Variants in RNFT1 observed in about 807,000 individuals in gnomAD.
The protein encoded by RNFT1 is ring finger protein, transmembrane 1.
Under a neutral mutation model 53.2 loss-of-function variants are expected in RNFT1, and 35 were observed. That is an observed-to-expected ratio of 0.66 (90% CI 0.50 to 0.87). The LOEUF (loss-of-function observed/expected upper bound fraction) is 0.87. Ranked by LOEUF, RNFT1 falls within the 40% of genes least tolerant of loss-of-function variation. The pLI, the probability that RNFT1 is intolerant of heterozygous loss-of-function variation, is 0.00. For synonymous variants in RNFT1, 141 were observed against 172.8 expected (o/e 0.82, Z 1.44); for missense variants, 421 against 515.0 (o/e 0.82, Z 1.77).
In RNFT1 at chr17:59,954,158, G is replaced by A. The variant is rs368817922; in HGVS notation, c.1072-12C>T. On this transcript the variant is annotated splice_polypyrimidine_tract_variant and intron_variant, in intron 7 of 8. Coordinates refer to ENST00000305783, the MANE Select transcript of RNFT1 (RefSeq NM_016125.4). ...GCCACTCCATAACTCTATGAAGATA[G>A]TAAGTTCTGTTCATCTACAAATTTC... 25 of 1,528,392 alleles carry A rather than the reference G, an allele frequency of 1.6e-5. No individual in the cohort carries two copies. Among genetic ancestry groups the A allele is most frequent in the Non-Finnish European group, 2.2e-5 (24 of 1,116,056 alleles). 94.7% of individuals were successfully genotyped at this position (1,528,392 alleles called of 1,614,324 possible).
At position 59,957,315 on chromosome 17, in the gene RNFT1, C is replaced by T; in HGVS notation, c.914G>A (p.Trp305Ter). 1 of 1,613,830 alleles carries T rather than the reference C, an allele frequency of 6.2e-7. No homozygotes were observed. Among genetic ancestry groups the T allele is most frequent in the Non-Finnish European group, 8.5e-7 (1 of 1,179,936 alleles). Residue 305 changes from tryptophan (W) to a stop codon, truncating the protein, a stop_gained, in exon 6 of 9, where the codon TGG becomes TAG. Coordinates refer to ENST00000305783, the MANE Select transcript of RNFT1 (RefSeq NM_016125.4). LOFTEE classifies it high-confidence loss of function. ...YYRTFVPIPV[W>*]FRYLISYGEF... ...CCCATAGCTTATAAGGTAGCGAAAC[C>T]AAACTGGTATGGGAACAAAAGTTCG...
chr17:59,953,083 A>G lies in RNFT1; in HGVS notation c.1202T>C (p.Leu401Ser), dbSNP rs751621827. ...QHIFCEECMT[L>S]WFNREKTCPL... ...ACATGTTTTCTCTCTGTTAAACCAT[A>G]AGGTCATGCACTCTTCACAAAATAT... Residue 401 changes from leucine to serine, a missense_variant, in exon 9 of 9, where the codon TTA becomes TCA. By Grantham distance (145) the Leu-to-Ser change is moderately radical. Transcript: ENST00000305783. The G allele has an allele frequency of 6.2e-7, 1 of 1,610,208 alleles. No homozygotes were observed. The highest frequency in any genetic ancestry group is 8.5e-7 in the Non-Finnish European group (1 of 1,176,578).
rs557754493 is a variant in RNFT1 at position 59,964,694 on chromosome 17, T to G, written c.-31A>C. ...GCCTCCAGCCCTTCAGTCGGGGCCA[T>G]CAACCGCAAACCCCGCAAGCTCTTC... On this transcript the variant is annotated 5_prime_UTR_variant, in exon 1 of 9. It removes an upstream start codon present in the reference 5' UTR. Coordinates refer to ENST00000305783, the MANE Select transcript of RNFT1 (RefSeq NM_016125.4). The G allele has an allele frequency of 2.5e-6, 4 of 1,582,690 alleles. No individual in the cohort carries two copies. In the South Asian group the frequency reaches 4.6e-5, roughly 18 times the overall value.
intron 3 of RNFT1, chr17:59,962,275 G>A (rs901937408): frequency 2.6e-5 from 8 of 308,106 alleles, no homozygotes; most frequent in South Asian, 1.2e-4. Context: ...ATCAGATACC[G>A]TGTTCTAACT....
At chr17:59,964,487 G>T in intron 1 of RNFT1, 121 bp downstream of exon 1, 1 of 792,196 alleles carries the variant, frequency 1.3e-6, no homozygotes, top group Non-Finnish European at 1.9e-6. Flanking sequence ...CAACTCTTCC[G>T]GAATCTCCGA....
intron 1 of RNFT1, among the ~76,000 whole-genome samples, chr17:59,963,642 G>C (rs922259147): frequency 2.0e-5 from 3 of 152,088 alleles, no homozygotes; most frequent in Non-Finnish European, 4.4e-5. Flanking sequence ...TTCCCAAATG[G>C]TGCAGTTTCA....
intron 3 of RNFT1, 99 bp downstream of exon 3, chr17:59,962,441 C>A: frequency 1.3e-6 from 1 of 770,998 alleles, no homozygotes; most frequent in African/African-American, 1.7e-5. Context: ...CTATTACTTC[C>A]TATTTCTTTC....
At chr17:59,964,408 C>T (rs1033461346) in intron 1 of RNFT1, among the ~76,000 whole-genome samples, 200 bp downstream of exon 1, 76 of 152,182 alleles carry the variant, frequency 5.0e-4, no homozygotes, top group African/African-American at 1.7e-3. Flanking sequence ...CTATAAATAA[C>T]ATAGAACCCT....
chr17:59,958,534 T>G (rs2045268030), intron 4 of RNFT1, 90 bp from the exon 5 acceptor site: 1 of 1,044,524 alleles, frequency 9.6e-7, no homozygotes, highest in Non-Finnish European at 1.4e-6. Context: ...AATATTTTAT[T>G]TTGATATGTA....
chr17:59,957,142 CTG>C, intron 6 of RNFT1, 80 bp downstream of exon 6: 1 of 1,351,830 alleles, frequency 7.4e-7, no homozygotes, highest in Non-Finnish European at 1.0e-6. Flanking sequence ...AACTATAAAA[CTG>C]TTAAAAGAGG....
rs1375627575 is a variant in RNFT1 at position 59,962,927 on chromosome 17, A to T, written c.414T>A (p.Ser138Arg). The T allele has an allele frequency of 2.5e-6, 4 of 1,614,126 alleles. No individual in the cohort carries two copies. In the East Asian group the frequency reaches 8.9e-5, roughly 36 times the overall value. ...GATAGCGGAATTCTGAGAAGGAGCTACTACCATGATCTCCAGATTCTGCGG... is the reference window on the plus strand; with the variant it reads ...GATAGCGGAATTCTGAGAAGGAGCTTCTACCATGATCTCCAGATTCTGCGG... Reference protein sequence around the residue: ...DTAAESGDHGSSSFSEFRYLF... With the variant: ...DTAAESGDHGRSSFSEFRYLF... Residue 138 changes from serine (S) to arginine (R), a missense_variant, in exon 2 of 9, where the codon AGT (serine) becomes AGA (arginine). Ser to Arg is a moderately radical substitution (Grantham distance 110). Transcript: ENST00000305783.
chr17:59,953,133 G>A (rs1489396575), intron 8 of RNFT1, 22 bp from the exon 9 acceptor site: 4 of 1,546,896 alleles, frequency 2.6e-6, no homozygotes, highest in South Asian at 1.1e-5. Context: ...TTAAGAATTA[G>A]ATTTGATATT....
chr17:59,963,217 G>A lies in RNFT1; in HGVS notation c.124C>T (p.Arg42Cys), dbSNP rs1480020529. 1 of 1,613,954 alleles carries A rather than the reference G, an allele frequency of 6.2e-7. No individual in the cohort carries two copies. Among genetic ancestry groups the A allele is most frequent in the Non-Finnish European group, 8.5e-7 (1 of 1,180,028 alleles). Reference protein sequence around the residue: ...KKYLRAMQANRSQLHSPPGTG... With the variant: ...KKYLRAMQANCSQLHSPPGTG... ...CCTGGAGGACTGTGCAGTTGGCTAC[G>A]ATTGGCTTGCATGGCCCTTAAATAC... Residue 42 changes from arginine to cysteine, a missense_variant, in exon 2 of 9, where the codon CGT becomes TGT. Transcript: ENST00000305783.
chr17:59,957,070 G>A (rs373337646), intron 6 of RNFT1, among the ~76,000 whole-genome samples, 154 bp downstream of exon 6: 6 of 152,024 alleles, frequency 3.9e-5, no homozygotes, highest in East Asian at 1.9e-4. Flanking sequence ...GTCTATTTCC[G>A]TTTCTCCATT....
rs73318983 is a variant in RNFT1 at position 59,954,106 on chromosome 17, A to C, written c.1112T>G (p.Val371Gly). 146 of 1,603,286 alleles carry C rather than the reference A, an allele frequency of 9.1e-5. No individual in the cohort carries two copies. The African/African-American group carries it at 1.6e-3, about 17-fold the overall frequency. The change falls in exon 8 of 9, where the codon GTG becomes GGG. Residue 371 changes from valine to glycine, a missense_variant. Physicochemically the swap from Val to Gly is moderately radical, Grantham distance 109. Coordinates refer to ENST00000305783, the MANE Select transcript of RNFT1 (RefSeq NM_016125.4). ...VAASKRQCSD[V>G]DDICSICQAE... ...TTGACATATTGAACAAATATCATCCACATCTGAACACTGTCTCTTGCTGGC... is the reference window on the plus strand; with the variant it reads ...TTGACATATTGAACAAATATCATCCCCATCTGAACACTGTCTCTTGCTGGC...
At chr17:59,958,866 C>T (rs2045270098) in intron 4 of RNFT1, among the ~76,000 whole-genome samples, 1 of 152,190 alleles carries the variant, frequency 6.6e-6, no homozygotes, top group Admixed American at 6.5e-5. Flanking sequence ...TCTTCCCTCC[C>T]TGAATAATTT....
rs980744298 is a variant in RNFT1 at position 59,956,665 on chromosome 17, A to G, written c.1006-112T>C. The G allele has an allele frequency of 1.3e-5, 9 of 708,596 alleles. No individual in the cohort carries two copies. In the African/African-American group the frequency reaches 1.5e-4, roughly 11 times the overall value. The allele number at this position is 708,596 out of a possible 1,614,324, so 43.9% of individuals were successfully genotyped here. On this transcript the variant is annotated intron_variant, in intron 6 of 8. Coordinates refer to ENST00000305783, the MANE Select transcript of RNFT1 (RefSeq NM_016125.4). ...AAATCCTCATATTAACTTAATGTTC[A>G]TTATATGTCACATCTAATCATTTTG...
chr17:59,956,507 C>G lies in RNFT1; in HGVS notation c.1052G>C (p.Arg351Pro). Residue 351 changes from arginine to proline, a missense_variant, in exon 7 of 9, where the codon CGA becomes CCA. Physicochemically the swap from Arg to Pro is moderately radical, Grantham distance 103. Coordinates refer to ENST00000305783, the MANE Select transcript of RNFT1 (RefSeq NM_016125.4). Reference protein sequence around the residue: ...GHLRTFRQVLRIFFTQPSYGV... With the variant: ...GHLRTFRQVLPIFFTQPSYGV... ...ACTTACTGGTTGTGTAAAAAATATT[C>G]GTAAAACCTGTCTGAAAGTTCTCAG... 6.2e-7 allele frequency: 1 copy of G among 1,611,874 alleles called. No individual in the cohort carries two copies. The highest frequency in any genetic ancestry group is 8.5e-7 in the Non-Finnish European group (1 of 1,178,760).
rs987653995 is a variant in RNFT1, at chr17:59,952,858, A to G, written c.*119T>C. The G allele has an allele frequency of 6.2e-5, 57 of 924,486 alleles. No homozygotes were observed. Among genetic ancestry groups the G allele is most frequent in the Non-Finnish European group, 8.4e-5 (53 of 628,870 alleles). 57.3% of individuals were successfully genotyped at this position (924,486 alleles called of 1,614,324 possible). Reference sequence around the variant, plus strand: ...TGGTGAATTGGATCATAAGTCCTACATTCTAAAACCATCTGGAAACATTTT... The same window carrying G: ...TGGTGAATTGGATCATAAGTCCTACGTTCTAAAACCATCTGGAAACATTTT... On this transcript the variant is annotated 3_prime_UTR_variant, in exon 9 of 9. Transcript: ENST00000305783.
Sources: allele counts gnomAD v4.1 joint callset (sites outside exome capture counted in the v4.1 genomes callset), GRCh38; gene constraint gnomAD v4.1.1; transcripts MANE v1.5; gene names NCBI Gene and HGNC (gene_info 2026-07-23, HGNC 2026-07-21).